SMYD3: variants seen among roughly 807,000 people sequenced by gnomAD.
SMYD3 encodes the protein SET and MYND domain containing 3.
SMYD3 carries 36 observed loss-of-function variants against 57.7 expected under a neutral mutation model. The observed-to-expected ratio is 0.62, with a 90% confidence interval of 0.48 to 0.82. The LOEUF (loss-of-function observed/expected upper bound fraction) is 0.82. Among genes scored for constraint, SMYD3 ranks in the 40% least tolerant of loss-of-function variants. The pLI is 0.00. For missense variants in SMYD3, 515 were observed against 538.8 expected (o/e 0.96, Z 0.44); for synonymous variants, 211 against 195.0 (o/e 1.08, Z -0.68).
chr1:245,984,960 T>C (rs2058673381), intron 5 of SMYD3, among the ~76,000 whole-genome samples: 1 of 152,076 alleles, frequency 6.6e-6, no homozygotes, highest in South Asian at 2.1e-4. Context: ...AATGTGCACA[T>C]CTCACGACCC....
chr1:245,941,574 G>T (rs753296652), intron 5 of SMYD3, among the ~76,000 whole-genome samples: 1 of 152,188 alleles, frequency 6.6e-6, no homozygotes, highest in Non-Finnish European at 1.5e-5. Flanking sequence ...AGGCTGGAGA[G>T]CAATGGAACA....
intron 10 of SMYD3, among the ~76,000 whole-genome samples, chr1:245,842,751 CA>C (rs2050468239): frequency 6.6e-6 from 1 of 151,964 alleles, no homozygotes; most frequent in Non-Finnish European, 1.5e-5. Context: ...TTCTGTTGCC[CA>C]GGCTGGAGTG....
At position 246,282,702 on chromosome 1, in the gene SMYD3, T is replaced by C. The variant is rs1572334614; in HGVS notation, c.531+44499A>G. ...TACAAAAAATCTTCTGTATCAACAA[T>C]ATTGTTATGCAAGCACTTTAAATGT... On this transcript the variant is annotated intron_variant, in intron 5 of 11. Coordinates refer to ENST00000490107, the MANE Select transcript of SMYD3 (RefSeq NM_001167740.2). 4.6e-5 allele frequency among the ~76,000 whole-genome samples: 7 copies of C among 152,302 alleles called. No homozygotes were observed. The South Asian group carries it at 1.4e-3, about 32-fold the overall frequency.
chr1:245,832,470 T>C (rs530964339), intron 10 of SMYD3, among the ~76,000 whole-genome samples: 1 of 97,434 alleles, frequency 1.0e-5, no homozygotes, highest in East Asian at 2.9e-4. Context: ...TCCTCATCGA[T>C]TTAATGTTTT....
At chr1:245,915,077 G>A (rs1319182976) in intron 8 of SMYD3, among the ~76,000 whole-genome samples, 1 of 152,094 alleles carries the variant, frequency 6.6e-6, no homozygotes, top group Admixed American at 6.5e-5. Context: ...TCACTAAGTA[G>A]GGTAAATTTT....
At chr1:246,142,464 A>T (rs1443269330) in intron 5 of SMYD3, among the ~76,000 whole-genome samples, 1 of 151,964 alleles carries the variant, frequency 6.6e-6, no homozygotes, top group African/African-American at 2.4e-5. Context: ...GCACTTTGGG[A>T]GCATTATTAA....
chr1:246,145,859 T>C (rs1275758246), intron 5 of SMYD3, among the ~76,000 whole-genome samples: 1 of 152,214 alleles, frequency 6.6e-6, no homozygotes, highest in African/African-American at 2.4e-5. Flanking sequence ...TCGAATCTGA[T>C]ACAAATGAGG....
intron 5 of SMYD3, among the ~76,000 whole-genome samples, chr1:246,104,874 C>T (rs1239521205): frequency 1.3e-5 from 2 of 151,998 alleles, no homozygotes; most frequent in African/African-American, 4.8e-5. Context: ...AGGCTACTGT[C>T]AAAGGAAAAG....
intron 1 of SMYD3, among the ~76,000 whole-genome samples, chr1:246,380,656 C>G (rs1293435003): frequency 6.6e-6 from 1 of 152,184 alleles, no homozygotes. Flanking sequence ...AAGACAGTTC[C>G]TATTTTCAAG....
chr1:246,259,693 T>C (rs919771800), intron 5 of SMYD3, among the ~76,000 whole-genome samples: 8 of 152,200 alleles, frequency 5.3e-5, no homozygotes, highest in African/African-American at 1.9e-4. Flanking sequence ...ATACATAGAA[T>C]GCATAGTGGT....
chr1:246,304,504 CTT>C (rs1260436715), intron 5 of SMYD3, among the ~76,000 whole-genome samples: 13 of 152,062 alleles, frequency 8.5e-5, no homozygotes, highest in African/African-American at 3.1e-4. Flanking sequence ...TAAAAATAGA[CTT>C]CAATGAATAC....
chr1:246,080,613 G>T (rs748411298), intron 5 of SMYD3, among the ~76,000 whole-genome samples: 1 of 152,048 alleles, frequency 6.6e-6, no homozygotes, highest in Non-Finnish European at 1.5e-5. Context: ...GGAGAAAAAA[G>T]AACTATTATT....
intron 10 of SMYD3, among the ~76,000 whole-genome samples, chr1:245,857,172 G>A (rs2051287805): frequency 6.6e-6 from 1 of 152,174 alleles, no homozygotes; most frequent in South Asian, 2.1e-4. Context: ...GGCAGTGGAG[G>A]AAACCATCTA....
At chr1:246,298,777 T>C (rs1467276431) in intron 5 of SMYD3, among the ~76,000 whole-genome samples, 2 of 152,104 alleles carry the variant, frequency 1.3e-5, no homozygotes, top group Non-Finnish European at 2.9e-5. Flanking sequence ...TGCCTAGAAC[T>C]GTCATGGCCT....
chr1:246,312,475 C>G (rs1482374297), intron 5 of SMYD3, among the ~76,000 whole-genome samples: 1 of 152,030 alleles, frequency 6.6e-6, no homozygotes, highest in East Asian at 1.9e-4. Context: ...GCAGCATAAG[C>G]AGGGCATACA....
rs145758616 is a variant in SMYD3 at position 246,436,598 on chromosome 1, AT to A, written c.164+70455del. 6.7e-3 allele frequency among the ~76,000 whole-genome samples: 1,017 copies of A among 152,254 alleles called. 15 individuals are homozygous for A. Among genetic ancestry groups the A allele is most frequent in the African/African-American group, 0.023 (945 of 41,530 alleles). ...AGTCTTTCCTTGTCTTTGACACTTGATACTTTTGAAGAGTAATGATCAGTTA... is the reference window on the plus strand; with the variant it reads ...AGTCTTTCCTTGTCTTTGACACTTGAACTTTTGAAGAGTAATGATCAGTTA... On this transcript the variant is annotated intron_variant, in intron 1 of 11. Transcript: ENST00000490107.
intron 1 of SMYD3, among the ~76,000 whole-genome samples, chr1:246,396,542 G>A (rs529245344): frequency 3.0e-4 from 45 of 152,180 alleles, no homozygotes; most frequent in Admixed American, 7.2e-4. Context: ...ATGCAACATC[G>A]GTTTATTTTG....
At chr1:246,290,316 T>A (rs1484000277) in intron 5 of SMYD3, among the ~76,000 whole-genome samples, 3 of 152,210 alleles carry the variant, frequency 2.0e-5, no homozygotes, top group Non-Finnish European at 4.4e-5. Context: ...AGCTTCTTTT[T>A]GGACTGTTCA....
intron 11 of SMYD3, among the ~76,000 whole-genome samples, chr1:245,759,493 T>C (rs1448484577): frequency 6.6e-6 from 1 of 152,196 alleles, no homozygotes; most frequent in Non-Finnish European, 1.5e-5. Flanking sequence ...TCAGTGGCCC[T>C]CATCAGATTC....
Sources: gnomAD v4.1 joint callset for allele counts (sites outside exome capture counted in the v4.1 genomes callset) on GRCh38, gnomAD v4.1.1 for gene constraint, MANE v1.5 for transcripts, NCBI Gene and HGNC (gene_info 2026-07-23, HGNC 2026-07-21) for gene names.